RALYL: variants seen among roughly 807,000 people sequenced by gnomAD.
RALYL encodes RNA-binding Raly-like protein.
Under a neutral mutation model 35.1 loss-of-function variants are expected in RALYL, and 29 were observed. That is an observed-to-expected ratio of 0.83 (90% CI 0.61 to 1.13). The LOEUF is 1.13. Among genes scored for constraint, RALYL ranks in the 50% most tolerant of loss-of-function variants. The pLI, the probability that RALYL is intolerant of heterozygous loss-of-function variation, is 0.00. For missense variants in RALYL, 359 were observed against 360.4 expected (o/e 1.00, Z 0.03); for synonymous variants, 120 against 127.6 (o/e 0.94, Z 0.40).
At chr8:84,521,419 AGTTCCATTGGTTATTT>A (rs559125351) in intron 1 of RALYL, among the ~76,000 whole-genome samples, 4 of 152,244 alleles carry the variant, frequency 2.6e-5, no homozygotes, top group Non-Finnish European at 5.9e-5. Context: ...CATAGAAAGG[AGTTCCATTGGTTATTT>A]GTTCCATTGG....
intron 1 of RALYL, among the ~76,000 whole-genome samples, chr8:84,188,398 A>G (rs1458006405): frequency 6.6e-6 from 1 of 152,070 alleles, no homozygotes; most frequent in Non-Finnish European, 1.5e-5. Flanking sequence ...AAAGGTCCTT[A>G]TTGATCTGCA....
intron 1 of RALYL, among the ~76,000 whole-genome samples, chr8:84,463,091 G>C (rs961512787): frequency 4.0e-5 from 6 of 151,860 alleles, no homozygotes; most frequent in African/African-American, 9.7e-5. Flanking sequence ...TTTCATATTT[G>C]TTAGAGTGTC....
At chr8:84,821,278 A>T (rs1305650265) in intron 4 of RALYL, among the ~76,000 whole-genome samples, 1 of 152,216 alleles carries the variant, frequency 6.6e-6, no homozygotes, top group Non-Finnish European at 1.5e-5. Context: ...AATAGATATC[A>T]TCATTCATTT....
intron 1 of RALYL, among the ~76,000 whole-genome samples, chr8:84,379,325 AG>A (rs1329172901): frequency 6.6e-6 from 1 of 151,938 alleles, no homozygotes; most frequent in Non-Finnish European, 1.5e-5. Context: ...CGTTTTTCAC[AG>A]GTTTAAATGC....
chr8:84,792,635 G>A (rs1020977312), intron 3 of RALYL, among the ~76,000 whole-genome samples: 2 of 152,176 alleles, frequency 1.3e-5, no homozygotes, highest in Non-Finnish European at 2.9e-5. Context: ...CAGTACTCCC[G>A]TGTGTTCTGT....
At chr8:84,219,736 A>G (rs899049093) in intron 1 of RALYL, among the ~76,000 whole-genome samples, 3 of 152,020 alleles carry the variant, frequency 2.0e-5, no homozygotes, top group Non-Finnish European at 2.9e-5. Context: ...ATTAAAAATT[A>G]TTGGGTAATA....
chr8:84,458,137 C>T (rs2050347656), intron 1 of RALYL, among the ~76,000 whole-genome samples: 1 of 151,766 alleles, frequency 6.6e-6, no homozygotes. Context: ...TTTCATTTGT[C>T]AGGAAATAAA....
intron 1 of RALYL, among the ~76,000 whole-genome samples, chr8:84,502,775 G>A (rs2056813677): frequency 6.6e-6 from 1 of 151,772 alleles, no homozygotes; most frequent in Non-Finnish European, 1.5e-5. Flanking sequence ...ATAAAAACTT[G>A]GAATTTCATC....
chr8:84,480,866 T>C (rs192264464), intron 1 of RALYL, among the ~76,000 whole-genome samples: 13 of 152,264 alleles, frequency 8.5e-5, no homozygotes, highest in Admixed American at 8.5e-4. Flanking sequence ...CTGCAACTGA[T>C]GGATGACCTT....
At chr8:84,879,524 C>T (rs1841809380) in intron 7 of RALYL, among the ~76,000 whole-genome samples, 1 of 151,948 alleles carries the variant, frequency 6.6e-6, no homozygotes, top group Non-Finnish European at 1.5e-5. Flanking sequence ...AGAACTGAAT[C>T]CTCAGCTTCC....
At chr8:84,185,231 A>G (rs148495586) in intron 1 of RALYL, 40 of 587,818 alleles carry the variant, frequency 6.8e-5, no homozygotes, top group Non-Finnish European at 1.1e-4. Flanking sequence ...CTACACCTCT[A>G]AGGTATTAAA....
chr8:84,400,503 G>A (rs2042779382), intron 1 of RALYL, among the ~76,000 whole-genome samples: 1 of 152,128 alleles, frequency 6.6e-6, no homozygotes, highest in Admixed American at 6.5e-5. Flanking sequence ...AATTGAAGGG[G>A]CCAACAAAAT....
chr8:84,414,525 G>T (rs959594655), intron 1 of RALYL, among the ~76,000 whole-genome samples: 11 of 152,070 alleles, frequency 7.2e-5, no homozygotes, highest in African/African-American at 2.7e-4. Flanking sequence ...CTGTTTTTGT[G>T]CCTTCCACTA....
chr8:84,493,202 A>T (rs567128370), intron 1 of RALYL, among the ~76,000 whole-genome samples: 2 of 152,180 alleles, frequency 1.3e-5, no homozygotes, highest in African/African-American at 2.4e-5. Flanking sequence ...TTTGCTGAGG[A>T]TGATGGCTTC....
intron 1 of RALYL, among the ~76,000 whole-genome samples, chr8:84,501,060 A>G (rs1386664174): frequency 6.6e-6 from 1 of 152,152 alleles, no homozygotes; most frequent in Non-Finnish European, 1.5e-5. Context: ...ATAAGTCATC[A>G]TCTATGGCGC....
intron 2 of RALYL, among the ~76,000 whole-genome samples, chr8:84,564,020 G>T (rs2061622912): frequency 6.6e-6 from 1 of 151,500 alleles, no homozygotes; most frequent in Admixed American, 6.6e-5. Context: ...AATACAAAAA[G>T]AAACAATTTC....
rs536385624 is a variant in RALYL at position 84,419,003 on chromosome 8, TA to T, written c.-23-110294del. ...CCCAACTGCAGCCTAGTTCTCTCTT[TA>T]ATAGAATTGTTTTACATCCCTCTCT... On this transcript the variant is annotated intron_variant, in intron 1 of 8. Coordinates refer to ENST00000521268, the MANE Select transcript of RALYL (RefSeq NM_173848.7). Among the ~76,000 whole-genome samples the T allele has an allele frequency of 8.9e-4, 136 of 152,272 alleles. 1 individual carries two copies. The highest frequency in any genetic ancestry group is 3.2e-3 in the African/African-American group (132 of 41,550).
At chr8:84,206,658 G>A (rs191074067) in intron 1 of RALYL, among the ~76,000 whole-genome samples, 58 of 152,294 alleles carry the variant, frequency 3.8e-4, no homozygotes, top group African/African-American at 1.4e-3. Context: ...AACTATCTGA[G>A]TGGAGGTGAT....
intron 2 of RALYL, among the ~76,000 whole-genome samples, chr8:84,581,045 T>C (rs148954248): frequency 6.6e-6 from 1 of 152,308 alleles, no homozygotes; most frequent in East Asian, 1.9e-4. Flanking sequence ...TCCATGTAGT[T>C]TGACCTCCTC....
Sources: allele counts gnomAD v4.1 joint callset (sites outside exome capture counted in the v4.1 genomes callset), GRCh38; gene constraint gnomAD v4.1.1; transcripts MANE v1.5; gene names NCBI Gene and HGNC (gene_info 2026-07-23, HGNC 2026-07-21).